Variants in RGPD4 observed in about 807,000 individuals in gnomAD.
RGPD4 encodes the protein ranBP2-like and GRIP domain-containing protein 4.
In RGPD4, 84 loss-of-function variants were observed where a neutral mutation model predicts 141.1. The observed-to-expected ratio is 0.60, with a 90% CI of 0.50 to 0.71. The LOEUF (loss-of-function observed/expected upper bound fraction) is 0.71. RGPD4 is among the 30% of genes least tolerant of loss of function. The pLI is 0.00. For synonymous variants in RGPD4, 298 were observed against 566.8 expected (o/e 0.53, Z 6.74); for missense variants, 918 against 1,622.4 (o/e 0.57, Z 7.46).
intron 1 of RGPD4, among the ~76,000 whole-genome samples, chr2:107,830,343 TAAAAA>T (rs10547790): frequency 1.4e-5 from 2 of 140,572 alleles, no homozygotes; most frequent in African/African-American, 2.6e-5. Context: ...TAAACAAGCT[TAAAAA>T]AAAAAAAAAA....
At chr2:107,880,345 G>C (rs913717646) in intron 21 of RGPD4, among the ~76,000 whole-genome samples, 2 of 120,718 alleles carry the variant, frequency 1.7e-5, no homozygotes, top group East Asian at 2.6e-4. Flanking sequence ...CTCACTACAA[G>C]CTCCACCTCC....
chr2:107,861,798 T>C (rs1682551073), intron 15 of RGPD4, 58 bp downstream of exon 15: 1 of 1,590,470 alleles, frequency 6.3e-7, no homozygotes, highest in Non-Finnish European at 8.6e-7. Flanking sequence ...TCAGTGTTTT[T>C]GCGTTGGTCT....
chr2:107,844,783 AG>A (rs1681855555), intron 6 of RGPD4, among the ~76,000 whole-genome samples: 1 of 114,126 alleles, frequency 8.8e-6, no homozygotes, highest in Non-Finnish European at 1.9e-5. Context: ...AGGACATCAA[AG>A]ATGTTTGTAT....
At chr2:107,886,784 C>T (rs1231287242) in intron 22 of RGPD4, among the ~76,000 whole-genome samples, 1 of 152,076 alleles carries the variant, frequency 6.6e-6, no homozygotes, top group African/African-American at 2.4e-5. Flanking sequence ...CAGGGCCCAT[C>T]AGAGCAAACA....
At chr2:107,884,975 G>C (rs1354917981) in intron 22 of RGPD4, among the ~76,000 whole-genome samples, 1 of 151,460 alleles carries the variant, frequency 6.6e-6, no homozygotes, top group Non-Finnish European at 1.5e-5. Context: ...TAGTTTCTTT[G>C]AATCTGGTTT....
chr2:107,881,190 A>G (rs1675352522), intron 21 of RGPD4, among the ~76,000 whole-genome samples: 1 of 150,200 alleles, frequency 6.7e-6, no homozygotes, highest in Non-Finnish European at 1.5e-5. Flanking sequence ...TGTATATATC[A>G]TGACATTCCA....
Position 107,862,948 on chromosome 2 carries a change from G to A in RGPD4, c.2386-1G>A, listed in dbSNP as rs1475296950. 6.2e-7 allele frequency: 1 copy of A among 1,600,822 alleles called. No individual in the cohort carries two copies. The highest frequency in any genetic ancestry group is 2.2e-5 in the East Asian group (1 of 44,686). On this transcript the variant is annotated splice_acceptor_variant, in intron 16 of 22. Coordinates refer to ENST00000408999, the MANE Select transcript of RGPD4 (RefSeq NM_182588.3). LOFTEE classifies it high-confidence loss of function. ...TTTTGTGATTTTTATTTTTTTTTTA[G>A]TATTCTCCCAAAACACCACCTCGAT...
Position 107,871,895 on chromosome 2 carries a change from A to G in RGPD4, c.3891A>G (p.Lys1297=). The change falls in exon 20 of 23, where the codon AAA becomes AAG. Residue 1297 remains lysine, a synonymous_variant. Coordinates refer to ENST00000408999, the MANE Select transcript of RGPD4 (RefSeq NM_182588.3). ...CAACAGGATCTAACTTCAGTTTTAAATCTGCTTTGAGTCCATCTAAGTCTC... is the reference window on the plus strand; with the variant it reads ...CAACAGGATCTAACTTCAGTTTTAAGTCTGCTTTGAGTCCATCTAAGTCTC... The part of the protein sequence containing the change: ...ESTTGSNFSF[K]SALSPSKSPA... 4 of 1,611,608 alleles carry G rather than the reference A, an allele frequency of 2.5e-6. No homozygotes were observed. The highest frequency in any genetic ancestry group is 3.4e-6 in the Non-Finnish European group (4 of 1,179,860).
At chr2:107,890,337 C>A (rs1182922615) in intron 22 of RGPD4, among the ~76,000 whole-genome samples, 2 of 90,762 alleles carry the variant, frequency 2.2e-5, no homozygotes, top group Non-Finnish European at 4.4e-5. Context: ...TCACTTGAGC[C>A]CAGGAATTTG....
chr2:107,844,926 C>T (rs1294051087), intron 6 of RGPD4, among the ~76,000 whole-genome samples: 4 of 132,100 alleles, frequency 3.0e-5, no homozygotes, highest in South Asian at 2.6e-4. Flanking sequence ...ACCTCTGCCT[C>T]CCGGGTTCAG....
At position 107,882,858 on chromosome 2, in the gene RGPD4, G is replaced by A. The variant is rs898634335; in HGVS notation, c.5251G>A (p.Ala1751Thr). Residue 1751 changes from alanine (A) to threonine (T), a missense_variant, in exon 22 of 23, where the codon GCT (alanine) becomes ACT (threonine). Transcript: ENST00000408999. ...CAGCCCTGAAGAAAAGGGAAAACTT[G>A]CTGCGGTTGCTCAAGGTGGGTAAAA... ...QLSPEEKGKL[A>T]AVAQGEE The A allele has an allele frequency of 6.2e-7, 1 of 1,608,328 alleles. No individual in the cohort carries two copies.
At chr2:107,846,874 A>C (rs1681969982) in intron 6 of RGPD4, among the ~76,000 whole-genome samples, 1 of 150,500 alleles carries the variant, frequency 6.6e-6, no homozygotes, top group Non-Finnish European at 1.5e-5. Flanking sequence ...TGTCTCGCTT[A>C]ATAGAACATA....
At chr2:107,859,674 G>A in intron 11 of RGPD4, 48 bp from the exon 12 acceptor site, 1 of 1,611,022 alleles carries the variant, frequency 6.2e-7, no homozygotes, top group Non-Finnish European at 8.5e-7. Flanking sequence ...TGTAAGCGCT[G>A]AACTGTGTAT....
chr2:107,829,572 A>G lies in RGPD4; in HGVS notation c.72+2487A>G, dbSNP rs1418866220. The stretch of plus-strand genomic sequence containing the variant: ...GGCCCGGCGGCGGCCTCGATGGCTC[A>G]GGCGTCATGGCTCCCGACGGGCGCT... On this transcript the variant is annotated intron_variant, in intron 1 of 22. Transcript: ENST00000408999. 2.7e-3 allele frequency among the ~76,000 whole-genome samples: 401 copies of G among 149,218 alleles called. 20 individuals are homozygous for G. The highest frequency in any genetic ancestry group is 9.5e-3 in the African/African-American group (371 of 39,134).
chr2:107,830,321 AT>A (rs1425029093), intron 1 of RGPD4, among the ~76,000 whole-genome samples: 403 of 132,304 alleles, frequency 3.0e-3, no homozygotes, highest in South Asian at 0.011. Flanking sequence ...GCTCAGCCTG[AT>A]TTTTTTTTTT....
chr2:107,883,284 C>T lies in RGPD4; in HGVS notation c.5266+411C>T, dbSNP rs1675420994. Reference sequence around the variant, plus strand: ...GCCTAAGACAATGGAGTCATATAGCCCAACACTTGGTCTATATACAGCAGT... The same window carrying T: ...GCCTAAGACAATGGAGTCATATAGCTCAACACTTGGTCTATATACAGCAGT... On this transcript the variant is annotated intron_variant, in intron 22 of 22. Transcript: ENST00000408999. 7.3e-5 allele frequency: 29 copies of T among 399,152 alleles called. 1 individual carries two copies. The highest frequency in any genetic ancestry group is 5.3e-4 in the South Asian group (29 of 54,992). 24.7% of individuals were successfully genotyped at this position (399,152 alleles called of 1,614,324 possible). A position where few individuals can be genotyped will look rare whatever the true frequency, so the allele number is the denominator to read the frequency against.
chr2:107,832,737 A>G (rs1245781662), intron 1 of RGPD4, among the ~76,000 whole-genome samples: 1 of 151,914 alleles, frequency 6.6e-6, no homozygotes, highest in African/African-American at 2.4e-5. Flanking sequence ...TGAGTTTGAA[A>G]TAATTTTTTT....
In RGPD4 at chr2:107,844,399, G is replaced by T. The variant is rs535857355; in HGVS notation, c.782+669G>T. 1.2e-4 allele frequency among the ~76,000 whole-genome samples: 19 copies of T among 152,308 alleles called. 1 individual carries two copies. The highest frequency in any genetic ancestry group is 3.3e-4 in the Admixed American group (5 of 15,290). ...TGCAGCATGCCTCTGTTTATGTATT[G>T]TCTGTGGCTGCTTACATACTACAAG... On this transcript the variant is annotated intron_variant, in intron 6 of 22. Transcript: ENST00000408999.
chr2:107,847,824 C>CAAAAAA (rs1263002672), intron 6 of RGPD4, among the ~76,000 whole-genome samples: 2 of 53,146 alleles, frequency 3.8e-5, no homozygotes, highest in Non-Finnish European at 6.8e-5. Flanking sequence ...GACTCCGTCT[C>CAAAAAA]AAAAAAAAAA....
Sources: gnomAD v4.1 joint callset for allele counts (sites outside exome capture counted in the v4.1 genomes callset) on GRCh38, gnomAD v4.1.1 for gene constraint, MANE v1.5 for transcripts, NCBI Gene and HGNC (gene_info 2026-07-23, HGNC 2026-07-21) for gene names.